Variants in MACROD2 observed in about 807,000 individuals in gnomAD.
The protein encoded by MACROD2 is ADP-ribose glycohydrolase MACROD2.
MACROD2 carries 36 observed loss-of-function variants against 70.4 expected under a neutral mutation model. The observed-to-expected ratio is 0.51, with a 90% CI of 0.39 to 0.68. The LOEUF (loss-of-function observed/expected upper bound fraction) is 0.68. Among genes scored for constraint, MACROD2 ranks in the 30% least tolerant of loss-of-function variants. The probability of loss-of-function intolerance (pLI) is 0.00; values close to 1 mark genes in which losing one functional copy is unlikely to be tolerated. For synonymous variants in MACROD2, 172 were observed against 178.8 expected, an observed-to-expected ratio of 0.96 and a Z score of 0.30; for missense variants, 496 against 538.4, an observed-to-expected ratio of 0.92 and a Z score of 0.78.
intron 4 of MACROD2, among the ~76,000 whole-genome samples, chr20:14,505,177 G>T (rs900695617): frequency 1.3e-5 from 2 of 152,124 alleles, no homozygotes; most frequent in African/African-American, 4.8e-5. Context: ...AGTTATACAA[G>T]AATATATCTT....
intron 8 of MACROD2, among the ~76,000 whole-genome samples, chr20:15,791,433 TGTG>T (rs2063623874): frequency 6.6e-6 from 1 of 151,904 alleles, no homozygotes; most frequent in Admixed American, 6.6e-5. Context: ...CATTGTCTCT[TGTG>T]GGCAATTTTA....
intron 8 of MACROD2, among the ~76,000 whole-genome samples, chr20:15,542,238 G>A (rs2160434): frequency 1.3e-5 from 2 of 152,196 alleles, no homozygotes; most frequent in Admixed American, 1.3e-4. Flanking sequence ...AGTGAGTCAG[G>A]AGCTTTCTCA....
intron 5 of MACROD2, among the ~76,000 whole-genome samples, chr20:14,867,181 G>C (rs1321825170): frequency 6.6e-6 from 1 of 152,058 alleles, no homozygotes; most frequent in African/African-American, 2.4e-5. Context: ...GATGAAAGAA[G>C]GCATAATTTT....
intron 7 of MACROD2, among the ~76,000 whole-genome samples, chr20:15,484,085 T>TTGTTTTA (rs2047134411): frequency 1.3e-5 from 2 of 151,836 alleles, no homozygotes; most frequent in African/African-American, 4.8e-5. Context: ...TTATTTTATT[T>TTGTTTTA]TTCTTGTCTT....
At chr20:15,915,093 C>T (rs184979317) in intron 10 of MACROD2, among the ~76,000 whole-genome samples, 99 of 152,308 alleles carry the variant, frequency 6.5e-4, no homozygotes, top group Admixed American at 2.6e-4. Context: ...CATGGCAGTT[C>T]TCCTACTCCT....
chr20:15,669,821 A>G (rs926567497), intron 8 of MACROD2, among the ~76,000 whole-genome samples: 1 of 152,220 alleles, frequency 6.6e-6, no homozygotes, highest in Non-Finnish European at 1.5e-5. Context: ...AGGGGCACAA[A>G]GGGCAGGTGG....
At chr20:14,818,197 C>T (rs765253283) in intron 5 of MACROD2, among the ~76,000 whole-genome samples, 13 of 152,092 alleles carry the variant, frequency 8.5e-5, no homozygotes, top group Non-Finnish European at 1.5e-4. Context: ...AAGAATATGA[C>T]ACACCACCAT....
intron 8 of MACROD2, among the ~76,000 whole-genome samples, chr20:15,622,219 T>A (rs2146732294): frequency 6.6e-6 from 1 of 152,356 alleles, no homozygotes; most frequent in South Asian, 2.1e-4. Flanking sequence ...GACTTCAAAC[T>A]CATTGTTGTC....
Position 14,569,342 on chromosome 20 carries a change from C to T in MACROD2, c.301+75834C>T, listed in dbSNP as rs575897715. On this transcript the variant is annotated intron_variant, in intron 4 of 17. Coordinates refer to ENST00000684519, the MANE Select transcript of MACROD2 (RefSeq NM_001351661.2). Reference sequence around the variant, plus strand: ...CTTCTCTTAAAAAAAACTATTAAAACTTCAATTTCACATTATATTGCTTTC... The same window carrying T: ...CTTCTCTTAAAAAAAACTATTAAAATTTCAATTTCACATTATATTGCTTTC... Among the ~76,000 whole-genome samples, 152 of 152,082 alleles carry T rather than the reference C, an allele frequency of 1.0e-3. 4 individuals carry two copies. The highest frequency in any genetic ancestry group is 9.8e-3 in the Admixed American group (149 of 15,250).
chr20:15,835,460 A>C (rs1418886167), intron 8 of MACROD2, among the ~76,000 whole-genome samples: 4 of 152,108 alleles, frequency 2.6e-5, no homozygotes, highest in African/African-American at 9.7e-5. Flanking sequence ...TTATTAATGT[A>C]TTAGCACCAT....
chr20:14,093,468 G>C (rs978633869), intron 3 of MACROD2, among the ~76,000 whole-genome samples: 3 of 152,076 alleles, frequency 2.0e-5, no homozygotes, highest in African/African-American at 7.2e-5. Flanking sequence ...GTCTATACGT[G>C]ATGTTCAGAT....
intron 8 of MACROD2, among the ~76,000 whole-genome samples, chr20:15,512,162 T>C (rs1004343615): frequency 2.6e-5 from 4 of 152,334 alleles, no homozygotes; most frequent in African/African-American, 9.6e-5. Flanking sequence ...TAGCTAGTCC[T>C]GGGGTGGCCA....
rs564626911 is a variant in MACROD2 at position 15,999,793 on chromosome 20, C to T, written c.1153+12635C>T. Among the ~76,000 whole-genome samples, 217 of 152,298 alleles carry T rather than the reference C, an allele frequency of 1.4e-3. 5 individuals carry two copies. The South Asian group carries it at 0.043, about 30-fold the overall frequency. The stretch of plus-strand genomic sequence containing the variant: ...GTCTAGTGTAAGTATAGCCACCTTG[C>T]TCTCTTCTGGCAGCCCAAGCTGTCA... On this transcript the variant is annotated intron_variant, in intron 15 of 17. Coordinates refer to ENST00000684519, the MANE Select transcript of MACROD2 (RefSeq NM_001351661.2).
Position 14,611,175 on chromosome 20 carries a change from T to C in MACROD2, c.302-73668T>C, listed in dbSNP as rs570481473. Reference sequence around the variant, plus strand: ...CAAATATCACCCAAGCCACTTATTATCTGCAAGAGCTTGGACAAGTCATAT... The same window carrying C: ...CAAATATCACCCAAGCCACTTATTACCTGCAAGAGCTTGGACAAGTCATAT... On this transcript the variant is annotated intron_variant, in intron 4 of 17. Coordinates refer to ENST00000684519, the MANE Select transcript of MACROD2 (RefSeq NM_001351661.2). Among the ~76,000 whole-genome samples, 11 of 152,278 alleles carry C rather than the reference T, an allele frequency of 7.2e-5. No homozygotes were observed. In the South Asian group the frequency reaches 2.3e-3, roughly 32 times the overall value.
intron 8 of MACROD2, among the ~76,000 whole-genome samples, chr20:15,718,481 A>T (rs2050738164): frequency 6.6e-6 from 1 of 152,188 alleles, no homozygotes; most frequent in African/African-American, 2.4e-5. Context: ...GGATTTCAGG[A>T]ATAGGTAGTA....
chr20:15,860,067 G>A (rs1388545343), intron 8 of MACROD2, among the ~76,000 whole-genome samples: 2 of 152,038 alleles, frequency 1.3e-5, no homozygotes, highest in Non-Finnish European at 2.9e-5. Context: ...CCTGGGAGGC[G>A]GAGGTGGCAG....
intron 9 of MACROD2, among the ~76,000 whole-genome samples, chr20:15,877,297 A>G (rs1339236498): frequency 6.6e-6 from 1 of 152,026 alleles, no homozygotes; most frequent in Admixed American, 6.6e-5. Context: ...CTCTTCCTAA[A>G]TCCCATATCT....
At chr20:14,442,012 G>T (rs1488208310) in intron 3 of MACROD2, among the ~76,000 whole-genome samples, 1 of 152,140 alleles carries the variant, frequency 6.6e-6, no homozygotes, top group Admixed American at 6.5e-5. Flanking sequence ...GCTCATGCTT[G>T]TAATTCCAGC....
intron 8 of MACROD2, among the ~76,000 whole-genome samples, chr20:15,535,114 A>G (rs143010897): frequency 1.3e-5 from 2 of 152,116 alleles, no homozygotes; most frequent in Admixed American, 1.3e-4. Flanking sequence ...TAACTGGGAC[A>G]ACAGGCAGGT....
Sources: allele counts gnomAD v4.1 joint callset (sites outside exome capture counted in the v4.1 genomes callset), GRCh38; gene constraint gnomAD v4.1.1; transcripts MANE v1.5; gene names NCBI Gene and HGNC (gene_info 2026-07-23, HGNC 2026-07-21).